CECR2: variants seen among roughly 807,000 people sequenced by gnomAD.
CECR2 encodes the protein chromatin remodeling regulator CECR2.
In CECR2, 30 loss-of-function variants were observed where a neutral mutation model predicts 154.5. The observed-to-expected ratio is 0.19, with a 90% CI of 0.15 to 0.26. The LOEUF is 0.26. Ranked by LOEUF, CECR2 falls within the 10% of genes least tolerant of loss-of-function variation. The probability of loss-of-function intolerance (pLI) is 1.00; values close to 1 mark genes in which losing one functional copy is unlikely to be tolerated. For synonymous variants in CECR2, 725 were observed against 683.7 expected, an observed-to-expected ratio of 1.06 and a Z score of -0.94; for missense variants, 1,743 against 1,829.3, an observed-to-expected ratio of 0.95 and a Z score of 0.86.
chr22:17,453,505 G>C (rs552683793), intron 1 of CECR2, among the ~76,000 whole-genome samples: 2 of 152,194 alleles, frequency 1.3e-5, no homozygotes, highest in South Asian at 4.1e-4. Flanking sequence ...ATTAATAAGT[G>C]TTGCCAACTT....
rs73876456 is a variant in CECR2 at position 17,480,599 on chromosome 22, A to G, written c.221+2917A>G. ...TCCCTGAAGGGAATTGCCTAAAATG[A>G]TGGTTCCACATGCGGTTACTGTGAA... On this transcript the variant is annotated intron_variant, in intron 2 of 18. Transcript: ENST00000262608. Among the ~76,000 whole-genome samples, 963 of 152,266 alleles carry G rather than the reference A, an allele frequency of 6.3e-3. 12 individuals carry two copies. Among genetic ancestry groups the G allele is most frequent in the African/African-American group, 0.022 (921 of 41,546 alleles).
chr22:17,519,172 G>A (rs1464307560), intron 8 of CECR2: 1 of 154,094 alleles, frequency 6.5e-6, no homozygotes, highest in Non-Finnish European at 1.4e-5. Context: ...TCTGTAGCCA[G>A]TGAGTGGGCT....
At chr22:17,393,622 C>G (rs998488020) in intron 1 of CECR2, among the ~76,000 whole-genome samples, 1 of 152,186 alleles carries the variant, frequency 6.6e-6, no homozygotes, top group Non-Finnish European at 1.5e-5. Flanking sequence ...ATGTGCCCAT[C>G]AGCAGTATAT....
At chr22:17,409,992 T>C (rs1056688594) in intron 1 of CECR2, among the ~76,000 whole-genome samples, 2 of 108,444 alleles carry the variant, frequency 1.8e-5, no homozygotes, top group African/African-American at 3.2e-5. Flanking sequence ...ATTTATTTAT[T>C]TATTTTTGAG....
At chr22:17,508,510 ATAGGCTATATATCCTG>A (rs1258140683) in intron 7 of CECR2, among the ~76,000 whole-genome samples, 1 of 152,172 alleles carries the variant, frequency 6.6e-6, no homozygotes, top group African/African-American at 2.4e-5. Context: ...CCTAGGAGCA[ATAGGCTATATATCCTG>A]TAGTCTGGGT....
intron 1 of CECR2, among the ~76,000 whole-genome samples, chr22:17,403,563 T>C (rs2053928926): frequency 6.6e-6 from 1 of 152,192 alleles, no homozygotes; most frequent in Non-Finnish European, 1.5e-5. Flanking sequence ...TCAATACTTG[T>C]TATTTCCTGT....
chr22:17,391,446 G>A (rs1334694019), intron 1 of CECR2, among the ~76,000 whole-genome samples: 1 of 152,202 alleles, frequency 6.6e-6, no homozygotes, highest in Non-Finnish European at 1.5e-5. Flanking sequence ...CTCTGGCTCC[G>A]GTCCAGGCTT....
intron 1 of CECR2, among the ~76,000 whole-genome samples, chr22:17,438,161 T>G (rs1368112290): frequency 6.6e-6 from 1 of 152,218 alleles, no homozygotes; most frequent in Non-Finnish European, 1.5e-5. Flanking sequence ...AAAGTTATGC[T>G]TGGAAGCAAA....
At chr22:17,413,482 A>G (rs1425997978) in intron 1 of CECR2, among the ~76,000 whole-genome samples, 3 of 152,040 alleles carry the variant, frequency 2.0e-5, no homozygotes, top group African/African-American at 4.8e-5. Flanking sequence ...CTCCATTAAC[A>G]TTGTTCAGAC....
At chr22:17,473,696 G>A (rs2055164820) in intron 1 of CECR2, among the ~76,000 whole-genome samples, 2 of 152,138 alleles carry the variant, frequency 1.3e-5, no homozygotes, top group Non-Finnish European at 2.9e-5. Flanking sequence ...CTTGAAAATA[G>A]ACACTTTTAA....
At chr22:17,368,822 G>A (rs2063019837), upstream of CECR2, among the ~76,000 whole-genome samples, 2 of 151,954 alleles carry the variant, frequency 1.3e-5, no homozygotes, top group Admixed American at 1.3e-4. Flanking sequence ...GCTGATTGGT[G>A]CCTCCCCCTA....
chr22:17,471,758 C>T lies in CECR2; in HGVS notation c.127-5830C>T, dbSNP rs566839328. ...CCATGTTGGCCAGGTGGGTCTCGAACTCCTGACCTCAGGTGATCCACCTGC... is the reference window on the plus strand; with the variant it reads ...CCATGTTGGCCAGGTGGGTCTCGAATTCCTGACCTCAGGTGATCCACCTGC... On this transcript the variant is annotated intron_variant, in intron 1 of 18. Coordinates refer to ENST00000262608, the MANE Select transcript of CECR2 (RefSeq NM_001290047.2). 3.3e-5 allele frequency among the ~76,000 whole-genome samples: 5 copies of T among 152,252 alleles called. No homozygotes were observed. In the South Asian group the frequency reaches 1.0e-3, roughly 32 times the overall value.
intron 1 of CECR2, among the ~76,000 whole-genome samples, chr22:17,437,025 A>C (rs1175693394): frequency 6.6e-6 from 1 of 152,126 alleles, no homozygotes; most frequent in East Asian, 1.9e-4. Flanking sequence ...TTCCTTTTAA[A>C]ATCCTAGTGA....
At chr22:17,378,022 T>G (rs569823687) in intron 1 of CECR2, among the ~76,000 whole-genome samples, 1 of 152,210 alleles carries the variant, frequency 6.6e-6, no homozygotes, top group Non-Finnish European at 1.5e-5. Context: ...CTTGCTCTGT[T>G]GCCCAGGCTG....
intron 2 of CECR2, among the ~76,000 whole-genome samples, chr22:17,495,612 C>G (rs1254041095): frequency 6.6e-6 from 1 of 150,908 alleles, no homozygotes; most frequent in African/African-American, 2.4e-5. Flanking sequence ...CCTGTAATCC[C>G]AGCACTTCGG....
intron 1 of CECR2, among the ~76,000 whole-genome samples, chr22:17,447,033 C>CTGGTTTTTTTTT (rs1339121774): frequency 8.8e-5 from 10 of 114,104 alleles, no homozygotes; most frequent in African/African-American, 3.0e-4. Context: ...CGTTTACAAT[C>CTGGTTTTTTTTT]TTTTTTTTTT....
chr22:17,359,970 C>T (rs896927273), exon 1 of CECR2: 1 of 152,230 alleles, frequency 6.6e-6, no homozygotes, highest in African/African-American at 2.4e-5. Flanking sequence ...TGAACAAATG[C>T]CTGTGTGGTT....
chr22:17,457,362 C>T (rs557133395), intron 1 of CECR2, among the ~76,000 whole-genome samples: 7 of 152,286 alleles, frequency 4.6e-5, no homozygotes, highest in African/African-American at 1.7e-4. Context: ...TCTGTCTAGG[C>T]CTTTCTGAAC....
intron 17 of CECR2, chr22:17,550,361 A>C (rs1430298212): frequency 6.4e-6 from 1 of 156,600 alleles, no homozygotes; most frequent in Non-Finnish European, 1.4e-5. Flanking sequence ...TGAGAGCTGT[A>C]AGCAAGCCTG....
Sources: gnomAD v4.1 joint callset for allele counts (sites outside exome capture counted in the v4.1 genomes callset) on GRCh38, gnomAD v4.1.1 for gene constraint, MANE v1.5 for transcripts, NCBI Gene and HGNC (gene_info 2026-07-23, HGNC 2026-07-21) for gene names.